RHBDF2: variants seen among roughly 807,000 people sequenced by gnomAD.
RHBDF2 encodes the protein rhomboid 5 homolog 2.
RHBDF2 carries 38 observed loss-of-function variants against 95.2 expected under a neutral mutation model. The ratio of observed to expected loss-of-function variants is 0.40; its 90% CI spans 0.31 to 0.52. The LOEUF (loss-of-function observed/expected upper bound fraction) is 0.52. Among genes scored for constraint, RHBDF2 ranks in the 20% least tolerant of loss-of-function variants. The probability of loss-of-function intolerance (pLI) is 0.56; values close to 1 mark genes in which losing one functional copy is unlikely to be tolerated. For synonymous variants in RHBDF2, 442 were observed against 462.0 expected (o/e 0.96, Z 0.55); for missense variants, 863 against 1,137.7 (o/e 0.76, Z 3.47).
intron 18 of RHBDF2, chr17:76,472,442 G>A (rs1196145445): frequency 1.6e-6 from 1 of 622,408 alleles, no homozygotes; most frequent in East Asian, 2.8e-5. Context: ...ATACTGTCAG[G>A]CAGTGGGCAC....
chr17:76,475,124 C>T lies in RHBDF2; in HGVS notation c.1133G>A (p.Trp378Ter), dbSNP rs1443780565. Residue 378 changes from tryptophan (W) to a stop codon, truncating the protein, a stop_gained, in exon 10 of 19, where the codon TGG (tryptophan) becomes TAG (stop). Coordinates refer to ENST00000675367, the MANE Select transcript of RHBDF2 (RefSeq NM_001005498.4). LOFTEE classifies it high-confidence loss of function. ...GATGATGACATGGACGAAGGTCAGC[C>T]AGTAGGTGAAGTAGGGCCTGTGCAG... The part of the protein sequence containing the change: ...FDSHRPYFTY[W>*]LTFVHVIITL... 1 of 1,595,884 alleles carries T rather than the reference C, an allele frequency of 6.3e-7. No homozygotes were observed. Among genetic ancestry groups the T allele is most frequent in the Non-Finnish European group, 8.5e-7 (1 of 1,172,176 alleles).
intron 14 of RHBDF2, 32 bp downstream of exon 14, chr17:76,473,807 T>C: frequency 6.2e-7 from 1 of 1,613,540 alleles, no homozygotes; most frequent in Non-Finnish European, 8.5e-7. Flanking sequence ...ATCCCTGACC[T>C]TCCCAGACCA....
intron 1 of RHBDF2, among the ~76,000 whole-genome samples, chr17:76,495,582 C>T (rs2074410635): frequency 6.6e-6 from 1 of 152,194 alleles, no homozygotes; most frequent in South Asian, 2.1e-4. Context: ...AGCTGAGGTA[C>T]AAGGTCTCAC....
At chr17:76,480,678 C>T (rs531476910) in intron 3 of RHBDF2, among the ~76,000 whole-genome samples, 11 of 152,314 alleles carry the variant, frequency 7.2e-5, no homozygotes, top group East Asian at 3.9e-4. Context: ...GAGGCGACCT[C>T]GCCCAGCCTC....
chr17:76,493,981 C>T (rs974101007), intron 1 of RHBDF2, among the ~76,000 whole-genome samples: 2 of 152,226 alleles, frequency 1.3e-5, no homozygotes, highest in African/African-American at 4.8e-5. Flanking sequence ...TTTTCCTATC[C>T]GGCCCCAGGC....
intron 1 of RHBDF2, among the ~76,000 whole-genome samples, chr17:76,491,250 C>T (rs536957045): frequency 1.2e-4 from 18 of 152,156 alleles, no homozygotes; most frequent in Admixed American, 2.0e-4. Flanking sequence ...CCACAGGCAC[C>T]GCTTTTGGTT....
At chr17:76,485,524 TAC>T (rs1299699379) in intron 2 of RHBDF2, among the ~76,000 whole-genome samples, 6 of 148,186 alleles carry the variant, frequency 4.0e-5, no homozygotes, top group Non-Finnish European at 9.0e-5. Flanking sequence ...GGGGTGTGGT[TAC>T]AGTGAGCCGA....
intron 2 of RHBDF2, among the ~76,000 whole-genome samples, chr17:76,483,021 T>A (rs1207064509): frequency 6.6e-6 from 1 of 152,140 alleles, no homozygotes; most frequent in Admixed American, 6.5e-5. Flanking sequence ...ATACAAAAAT[T>A]AGCCAGGCAT....
Position 76,471,692 on chromosome 17 carries a change from A to G in RHBDF2, c.2425T>C (p.Cys809Arg). ...CAGAAGCGGCTGGTGAAGGGGAAGCAGGTGAGGTGCTCGATCCAGGGCCAG... is the reference window on the plus strand; with the variant it reads ...CAGAAGCGGCTGGTGAAGGGGAAGCGGGTGAGGTGCTCGATCCAGGGCCAG... ...INWPWIEHLT[C>R]FPFTSRFCEK... Residue 809 changes from cysteine to arginine, a missense_variant, in exon 19 of 19, where the codon TGC becomes CGC. Cys to Arg is a radical substitution (Grantham distance 180). Coordinates refer to ENST00000675367, the MANE Select transcript of RHBDF2 (RefSeq NM_001005498.4). 6.2e-7 allele frequency: 1 copy of G among 1,610,670 alleles called. No individual in the cohort carries two copies. Among genetic ancestry groups the G allele is most frequent in the Non-Finnish European group, 8.5e-7 (1 of 1,178,774 alleles).
intron 13 of RHBDF2, 65 bp downstream of exon 13, chr17:76,473,968 T>A (rs939579903): frequency 6.3e-7 from 1 of 1,593,770 alleles, no homozygotes; most frequent in African/African-American, 1.3e-5. Flanking sequence ...CCCACGTCCC[T>A]GTGGGTGGCT....
intron 2 of RHBDF2, among the ~76,000 whole-genome samples, chr17:76,482,897 T>C (rs1181972606): frequency 6.7e-6 from 1 of 149,524 alleles, no homozygotes; most frequent in African/African-American, 2.5e-5. Flanking sequence ...CAGCTGTGTG[T>C]GGTGGCTTAC....
intron 2 of RHBDF2, among the ~76,000 whole-genome samples, chr17:76,482,443 C>G (rs1208765893): frequency 6.6e-6 from 1 of 152,092 alleles, no homozygotes; most frequent in Non-Finnish European, 1.5e-5. Flanking sequence ...ATTACAGGTG[C>G]AAGCTCACTG....
chr17:76,472,951 C>T (rs1445397272), intron 17 of RHBDF2, 54 bp downstream of exon 17: 20 of 1,600,952 alleles, frequency 1.2e-5, no homozygotes, highest in Non-Finnish European at 1.6e-5. Context: ...CCCAGGGGTC[C>T]GGCTGGGTGG....
Position 76,489,623 on chromosome 17 carries a change from G to A in RHBDF2, c.-219-1714C>T, listed in dbSNP as rs186990163. Among the ~76,000 whole-genome samples, 825 of 152,268 alleles carry A rather than the reference G, an allele frequency of 5.4e-3. 8 individuals carry two copies. The highest frequency in any genetic ancestry group is 0.016 in the African/African-American group (666 of 41,578). Reference sequence around the variant, plus strand: ...CAGGCGTGAGCCACCGCGCCCAGCCGCCTGTTTGTTTTTAAGAAGTCCTGC... The same window carrying A: ...CAGGCGTGAGCCACCGCGCCCAGCCACCTGTTTGTTTTTAAGAAGTCCTGC... On this transcript the variant is annotated intron_variant, in intron 1 of 18. Coordinates refer to ENST00000675367, the MANE Select transcript of RHBDF2 (RefSeq NM_001005498.4).
At chr17:76,481,007 G>A (rs2073946769) in intron 3 of RHBDF2, among the ~76,000 whole-genome samples, 1 of 152,186 alleles carries the variant, frequency 6.6e-6, no homozygotes, top group East Asian at 1.9e-4. Context: ...CTGATGCCAG[G>A]GAGACACTGT....
chr17:76,490,973 A>G (rs1437602120), intron 1 of RHBDF2, among the ~76,000 whole-genome samples: 3 of 152,042 alleles, frequency 2.0e-5, no homozygotes, highest in African/African-American at 7.2e-5. Flanking sequence ...GCCCTCATCA[A>G]TGGCTAACTG....
At chr17:76,483,661 G>C (rs1046994375) in intron 2 of RHBDF2, among the ~76,000 whole-genome samples, 5 of 152,232 alleles carry the variant, frequency 3.3e-5, no homozygotes, top group African/African-American at 1.2e-4. Context: ...AGTCCAGACT[G>C]CTGGTTATTT....
Position 76,481,460 on chromosome 17 carries a change from C to T in RHBDF2, c.65G>A (p.Arg22Gln), listed in dbSNP as rs753693526. 5.9e-5 allele frequency: 95 copies of T among 1,612,454 alleles called. 1 individual carries two copies. Among genetic ancestry groups the T allele is most frequent in the South Asian group, 3.1e-4 (28 of 91,074 alleles). The stretch of plus-strand genomic sequence containing the variant: ...GGTGATGGAGAGGTTGGGTGGCTTC[C>T]GGCTCTGCAGGCGGCTGCTGGACAC... ...SSVSSSRLQSRKPPNLSITIP... is the reference protein window; with the variant it reads ...SSVSSSRLQSQKPPNLSITIP... The change falls in exon 3 of 19, where the codon CGG (arginine) becomes CAG (glutamine). Residue 22 changes from arginine to glutamine, a missense_variant. Transcript: ENST00000675367.
rs985406321 is a variant in RHBDF2, at chr17:76,471,471, C to G, written c.*162G>C. ...AACCCCGCCTTAACCAACCATCTCA[C>G]GCGGAGTCAGCCTCGCCTGGCAGGG... On this transcript the variant is annotated 3_prime_UTR_variant, in exon 19 of 19. Transcript: ENST00000675367. 1.6e-5 allele frequency: 12 copies of G among 750,252 alleles called. No homozygotes were observed. The African/African-American group carries it at 1.8e-4, about 11-fold the overall frequency. The allele number at this position is 750,252 out of a possible 1,614,324, so 46.5% of individuals were successfully genotyped here. A position where few individuals can be genotyped will look rare whatever the true frequency, so the allele number is the denominator to read the frequency against.
Sources: gnomAD v4.1 joint callset for allele counts (sites outside exome capture counted in the v4.1 genomes callset) on GRCh38, gnomAD v4.1.1 for gene constraint, MANE v1.5 for transcripts, NCBI Gene and HGNC (gene_info 2026-07-23, HGNC 2026-07-21) for gene names.